The following TBC1D32 variants were observed in gnomAD, a reference collection of about 807,000 sequenced individuals.
TBC1D32 encodes protein broad-minded.
A neutral mutation model predicts 170.3 loss-of-function variants in TBC1D32; 151 were observed. The ratio of observed to expected loss-of-function variants is 0.89; its 90% confidence interval spans 0.78 to 1.01. The LOEUF (loss-of-function observed/expected upper bound fraction) is 1.01. TBC1D32 is among the 50% of genes least tolerant of loss of function. TBC1D32 has a pLI of 0.00. For missense variants in TBC1D32, 1,464 were observed against 1,457.1 expected (o/e 1.00, Z -0.08); for synonymous variants, 498 against 488.0 (o/e 1.02, Z -0.27).
chr6:121,212,351 A>T (rs1325772302), intron 21 of TBC1D32, among the ~76,000 whole-genome samples: 1 of 151,460 alleles, frequency 6.6e-6, no homozygotes, highest in African/African-American at 2.4e-5. Context: ...GCAGAGAAGG[A>T]CTCCTACCTA....
At position 121,126,378 on chromosome 6, in the gene TBC1D32, C is replaced by T. The variant is rs760928119; in HGVS notation, c.2983G>A (p.Ala995Thr). 1 of 1,607,274 alleles carries T rather than the reference C, an allele frequency of 6.2e-7. No homozygotes were observed. The highest frequency in any genetic ancestry group is 1.1e-5 in the South Asian group (1 of 90,248). Reference sequence around the variant, plus strand: ...AAACTTCACAATGTTTAAAATGTACCTGTATACTCCACTGAAGGGAAGTAG... The same window carrying T: ...AAACTTCACAATGTTTAAAATGTACTTGTATACTCCACTGAAGGGAAGTAG... ...ECYFPSVEYT[A>T]TDANVKNESL... The change falls in exon 26 of 32, where the codon GCT becomes ACT. Residue 995 changes from alanine (A) to threonine (T), a missense_variant and splice_region_variant. Physicochemically the swap from Ala to Thr is moderately conservative, Grantham distance 58. This residue lies in a region of TBC1D32 where 1,363 missense variants were observed against 1,338.1 expected (regional missense o/e 1.02). Coordinates refer to ENST00000398212, the MANE Select transcript of TBC1D32 (RefSeq NM_152730.6).
At chr6:121,114,646 T>C (rs925491753) in intron 27 of TBC1D32, among the ~76,000 whole-genome samples, 7 of 152,266 alleles carry the variant, frequency 4.6e-5, no homozygotes, top group Admixed American at 3.3e-4. Context: ...ATAAGTAAAA[T>C]GGGAATGTTA....
intron 20 of TBC1D32, among the ~76,000 whole-genome samples, chr6:121,229,914 T>C (rs1201776410): frequency 6.6e-6 from 1 of 152,030 alleles, no homozygotes; most frequent in Non-Finnish European, 1.5e-5. Flanking sequence ...TCCTGAGATC[T>C]CATGGTTTAA....
intron 15 of TBC1D32, among the ~76,000 whole-genome samples, chr6:121,266,567 T>C (rs147191533): frequency 1.4e-3 from 211 of 152,262 alleles, no homozygotes; most frequent in African/African-American, 4.7e-3. Context: ...ACTGGGTATA[T>C]ACCCAAAGGA....
chr6:121,231,166 T>A (rs1003939946), intron 20 of TBC1D32, among the ~76,000 whole-genome samples: 12 of 152,154 alleles, frequency 7.9e-5, no homozygotes, highest in African/African-American at 2.9e-4. Context: ...TTCTTCTACA[T>A]GTGGCTTGCT....
intron 24 of TBC1D32, among the ~76,000 whole-genome samples, chr6:121,133,075 C>T (rs1005301313): frequency 1.3e-5 from 2 of 151,782 alleles, no homozygotes; most frequent in African/African-American, 4.8e-5. Context: ...GGGTTAAAGG[C>T]TTAATTGTTT....
intron 22 of TBC1D32, among the ~76,000 whole-genome samples, chr6:121,182,399 T>C (rs1788647757): frequency 1.3e-5 from 2 of 152,154 alleles, no homozygotes; most frequent in South Asian, 2.1e-4. Context: ...ATGCAACAAA[T>C]GAACAAACTC....
chr6:121,315,774 T>G (rs889468260), intron 3 of TBC1D32, among the ~76,000 whole-genome samples: 1 of 152,124 alleles, frequency 6.6e-6, no homozygotes, highest in Non-Finnish European at 1.5e-5. Context: ...AGCCTCTCTT[T>G]GGTCAGCTAT....
chr6:121,331,836 G>T (rs1282080653), intron 1 of TBC1D32, among the ~76,000 whole-genome samples: 1 of 152,130 alleles, frequency 6.6e-6, no homozygotes, highest in Non-Finnish European at 1.5e-5. Context: ...ATATAAAAGA[G>T]TTCCCTCCTC....
intron 24 of TBC1D32, among the ~76,000 whole-genome samples, chr6:121,143,601 G>T (rs965179562): frequency 6.6e-6 from 1 of 152,152 alleles, no homozygotes; most frequent in African/African-American, 2.4e-5. Flanking sequence ...CAGTGCAAAT[G>T]ATGACTAAAC....
At chr6:121,245,980 C>A (rs1006940916) in intron 17 of TBC1D32, among the ~76,000 whole-genome samples, 1 of 152,156 alleles carries the variant, frequency 6.6e-6, no homozygotes, top group Non-Finnish European at 1.5e-5. Flanking sequence ...CCAGTCACCA[C>A]CATCATGGCT....
intron 2 of TBC1D32, among the ~76,000 whole-genome samples, chr6:121,320,354 C>T (rs1809547782): frequency 6.6e-6 from 1 of 151,644 alleles, no homozygotes; most frequent in Admixed American, 6.6e-5. Context: ...AATTTTAACA[C>T]ATGGATGAAC....
chr6:121,267,176 C>G (rs958195628), intron 15 of TBC1D32, among the ~76,000 whole-genome samples: 2 of 146,736 alleles, frequency 1.4e-5, no homozygotes, highest in Non-Finnish European at 3.0e-5. Context: ...TGAATAGGAA[C>G]AGCTCCAGTC....
intron 20 of TBC1D32, among the ~76,000 whole-genome samples, chr6:121,235,245 C>G (rs1349789015): frequency 6.6e-6 from 1 of 152,164 alleles, no homozygotes; most frequent in African/African-American, 2.4e-5. Flanking sequence ...AGGATGCAAC[C>G]TTGCCCTAGG....
At chr6:121,196,153 T>C (rs1199056605) in intron 22 of TBC1D32, among the ~76,000 whole-genome samples, 1 of 152,162 alleles carries the variant, frequency 6.6e-6, no homozygotes, top group Non-Finnish European at 1.5e-5. Flanking sequence ...GGATGACCCG[T>C]TCTGTGGACA....
intron 24 of TBC1D32, among the ~76,000 whole-genome samples, chr6:121,154,154 T>C (rs771467711): frequency 6.6e-6 from 1 of 151,988 alleles, no homozygotes; most frequent in Non-Finnish European, 1.5e-5. Flanking sequence ...AGTCTCTGGG[T>C]TGCGAAGATG....
At chr6:121,163,423 C>CTGA (rs1786047822) in intron 22 of TBC1D32, among the ~76,000 whole-genome samples, 1 of 7,938 alleles carries the variant, frequency 1.3e-4, no homozygotes, top group Non-Finnish European at 2.5e-4. Flanking sequence ...CCCCTGACCC[C>CTGA]CGAGCAGCCT....
chr6:121,293,144 A>G (rs1360041002), intron 11 of TBC1D32, among the ~76,000 whole-genome samples: 1 of 152,124 alleles, frequency 6.6e-6, no homozygotes, highest in African/African-American at 2.4e-5. Context: ...CAAAAAAAAA[A>G]AATGTAATGA....
intron 16 of TBC1D32, 118 bp from the exon 17 acceptor site, chr6:121,255,528 T>TATAATTATATTTTATAATTATATTTTTTA (rs1583421638): frequency 4.0e-6 from 1 of 247,716 alleles, no homozygotes; most frequent in African/African-American, 2.4e-5. Context: ...ATTTTATATT[T>TATAATTATATTTTATAATTATATTTTTTA]CTTACTGATA....
Sources: gnomAD v4.1 joint callset for allele counts (sites outside exome capture counted in the v4.1 genomes callset) on GRCh38, gnomAD v4.1.1 for gene constraint, gnomAD v4.1.1 regional missense constraint, MANE v1.5 for transcripts, NCBI Gene and HGNC (gene_info 2026-07-23, HGNC 2026-07-21) for gene names.